Variants in SPARCL1 observed in about 807,000 individuals in gnomAD.
SPARCL1 encodes the protein SPARC like 1.
Under a neutral mutation model 67.1 loss-of-function variants are expected in SPARCL1, and 52 were observed. The ratio of observed to expected loss-of-function variants is 0.78; its 90% CI spans 0.62 to 0.98. The LOEUF is 0.98. Ranked by LOEUF, SPARCL1 falls within the 50% of genes least tolerant of loss-of-function variation. The pLI, the probability that SPARCL1 is intolerant of heterozygous loss-of-function variation, is 0.00. For missense variants in SPARCL1, 717 were observed against 782.4 expected (o/e 0.92, Z 1.00); for synonymous variants, 226 against 267.8 (o/e 0.84, Z 1.52).
At chr4:87,509,349 C>T (rs1020690319) in intron 1 of SPARCL1, among the ~76,000 whole-genome samples, 1 of 152,112 alleles carries the variant, frequency 6.6e-6, no homozygotes, top group Non-Finnish European at 1.5e-5. Flanking sequence ...GATTAAGTAA[C>T]TTGTTCAGGG....
intron 7 of SPARCL1, among the ~76,000 whole-genome samples, chr4:87,482,964 G>A (rs1158804595): frequency 6.6e-6 from 1 of 152,094 alleles, no homozygotes; most frequent in Non-Finnish European, 1.5e-5. Context: ...AAGAAATAAT[G>A]CTAAATCTCA....
At chr4:87,511,373 T>G (rs926024468) in intron 1 of SPARCL1, among the ~76,000 whole-genome samples, 4 of 152,148 alleles carry the variant, frequency 2.6e-5, no homozygotes, top group Non-Finnish European at 4.4e-5. Context: ...GGAGGAAGGT[T>G]TGGTTTTAGA....
chr4:87,505,019 C>T (rs1278965108), intron 1 of SPARCL1: 1 of 152,184 alleles, frequency 6.6e-6, no homozygotes, highest in Non-Finnish European at 1.5e-5. Context: ...TGCCCCAAAA[C>T]TCTAATACAT....
At chr4:87,485,098 C>T (rs1723996630) in intron 7 of SPARCL1, among the ~76,000 whole-genome samples, 1 of 151,858 alleles carries the variant, frequency 6.6e-6, no homozygotes, top group South Asian at 2.1e-4. Flanking sequence ...ACTTCCAATA[C>T]TATGTTGAAT....
At chr4:87,474,695 A>T (rs1056883841) in intron 10 of SPARCL1, among the ~76,000 whole-genome samples, 1 of 151,356 alleles carries the variant, frequency 6.6e-6, no homozygotes, top group Non-Finnish European at 1.5e-5. Flanking sequence ...AGCCTCTAGA[A>T]CAGTGCCTGC....
At chr4:87,483,792 T>C (rs1338322006) in intron 7 of SPARCL1, among the ~76,000 whole-genome samples, 1 of 152,236 alleles carries the variant, frequency 6.6e-6, no homozygotes, top group Non-Finnish European at 1.5e-5. Flanking sequence ...TGGTGAGAGA[T>C]GGTATCTCAT....
intron 5 of SPARCL1, among the ~76,000 whole-genome samples, chr4:87,491,310 A>C (rs1724316187): frequency 6.6e-6 from 1 of 152,218 alleles, no homozygotes; most frequent in Non-Finnish European, 1.5e-5. Context: ...TTCATCAGCA[A>C]GTTACAGATT....
rs371033700 is a variant in SPARCL1, at chr4:87,502,833, T to G, written c.-11-3248A>C. On this transcript the variant is annotated intron_variant, in intron 1 of 10. Coordinates refer to ENST00000282470, the MANE Select transcript of SPARCL1 (RefSeq NM_004684.6). Reference sequence around the variant, plus strand: ...GGAGGGCTTCCAAAGAATAGTTCCATGGAGCATTGGAGGGCTTCCAAGGAG... The same window carrying G: ...GGAGGGCTTCCAAAGAATAGTTCCAGGGAGCATTGGAGGGCTTCCAAGGAG... Among the ~76,000 whole-genome samples the G allele has an allele frequency of 1.9e-4, 29 of 152,356 alleles. No homozygotes were observed. In the East Asian group the frequency reaches 5.2e-3, roughly 27 times the overall value.
chr4:87,493,644 G>T lies in SPARCL1; in HGVS notation c.1156C>A (p.Gln386Lys). ...SIAYHLKIEEQREKVHENENI... is the reference protein window; with the variant it reads ...SIAYHLKIEEKREKVHENENI... Reference sequence around the variant, plus strand: ...TCATTTTCATGTACTTTTTCTCTTTGCTCCTCAATTTTGAGGTGATAGGCA... The same window carrying T: ...TCATTTTCATGTACTTTTTCTCTTTTCTCCTCAATTTTGAGGTGATAGGCA... Residue 386 changes from glutamine (Q) to lysine (K), a missense_variant, in exon 4 of 11, where the codon CAA becomes AAA. Transcript: ENST00000282470. The T allele has an allele frequency of 1.2e-6, 2 of 1,613,402 alleles. No individual in the cohort carries two copies. The highest frequency in any genetic ancestry group is 1.7e-6 in the Non-Finnish European group (2 of 1,179,802).
At chr4:87,505,747 T>TG (rs1725047550) in intron 1 of SPARCL1, among the ~76,000 whole-genome samples, 1 of 144,322 alleles carries the variant, frequency 6.9e-6, no homozygotes, top group South Asian at 2.2e-4. Context: ...TTTGTAGAGA[T>TG]GGGGTCTTTC....
At chr4:87,503,014 G>C (rs1724913288) in intron 1 of SPARCL1, among the ~76,000 whole-genome samples, 1 of 152,178 alleles carries the variant, frequency 6.6e-6, no homozygotes, top group Non-Finnish European at 1.5e-5. Context: ...GAAGAGACTG[G>C]AGTTCTCTCA....
chr4:87,486,771 T>C (rs182109828), intron 7 of SPARCL1, among the ~76,000 whole-genome samples: 3 of 152,170 alleles, frequency 2.0e-5, no homozygotes, highest in East Asian at 1.9e-4. Flanking sequence ...ATGTTTAGGA[T>C]AGTTAGCTCT....
chr4:87,475,212 A>G (rs1387875564), intron 10 of SPARCL1, among the ~76,000 whole-genome samples: 1 of 152,112 alleles, frequency 6.6e-6, no homozygotes, highest in East Asian at 1.9e-4. Flanking sequence ...TTCTCAACCC[A>G]TAGAATGTGA....
chr4:87,481,904 G>GT (rs1723838098), intron 8 of SPARCL1, among the ~76,000 whole-genome samples: 1 of 152,076 alleles, frequency 6.6e-6, no homozygotes, highest in East Asian at 1.9e-4. Flanking sequence ...TTTCGTTGCT[G>GT]TATCTCCAGT....
chr4:87,504,552 A>G (rs1055514243), intron 1 of SPARCL1, among the ~76,000 whole-genome samples: 4 of 152,220 alleles, frequency 2.6e-5, no homozygotes, highest in African/African-American at 9.6e-5. Context: ...TAGAAAGCCT[A>G]CAGTGTGACA....
chr4:87,489,197 T>A (rs544693541), intron 7 of SPARCL1, among the ~76,000 whole-genome samples: 40 of 152,330 alleles, frequency 2.6e-4, no homozygotes, highest in Admixed American at 1.1e-3. Flanking sequence ...GTTTTGTGCT[T>A]GAAACCCAGG....
chr4:87,493,808 G>A lies in SPARCL1; in HGVS notation c.992C>T (p.Thr331Met), dbSNP rs778659994. The change falls in exon 4 of 11, where the codon ACG (threonine) becomes ATG (methionine). Residue 331 changes from threonine to methionine, a missense_variant. By Grantham distance (81) the Thr-to-Met change is moderately conservative. Transcript: ENST00000282470. ...ATCATCAACTCCATGATTTCTGGGC[G>A]TGGTATTACCATCATCAGTAGGTTC... ...LMEPTDDGNT[T>M]PRNHGVDDDG... 1.7e-5 allele frequency: 28 copies of A among 1,613,990 alleles called. No homozygotes were observed. The highest frequency in any genetic ancestry group is 5.5e-5 in the South Asian group (5 of 91,072).
In SPARCL1 at chr4:87,494,051, G is replaced by T; in HGVS notation, c.749C>A (p.Pro250Gln). 6.2e-7 allele frequency: 1 copy of T among 1,613,976 alleles called. No individual in the cohort carries two copies. Among genetic ancestry groups the T allele is most frequent in the Non-Finnish European group, 8.5e-7 (1 of 1,180,016 alleles). ...CTCCTGCATCTTGCTTACTTGAGTT[G>T]GTTGATCAGACTCTTCCAAAATATC... Reference protein sequence around the residue: ...SDDILEESDQPTQVSKMQEDE... With the variant: ...SDDILEESDQQTQVSKMQEDE... The change falls in exon 4 of 11, where the codon CCA becomes CAA. Residue 250 changes from proline to glutamine, a missense_variant. Transcript: ENST00000282470.
At chr4:87,519,767 T>C (rs1725729779) in intron 1 of SPARCL1, among the ~76,000 whole-genome samples, 1 of 152,216 alleles carries the variant, frequency 6.6e-6, no homozygotes. Flanking sequence ...TATAGACTTG[T>C]GTCAAGTACT....
Sources: gnomAD v4.1 joint callset for allele counts (sites outside exome capture counted in the v4.1 genomes callset) on GRCh38, gnomAD v4.1.1 for gene constraint, MANE v1.5 for transcripts, NCBI Gene and HGNC (gene_info 2026-07-23, HGNC 2026-07-21) for gene names.